Variants in VSX2 observed in about 807,000 individuals in gnomAD.
VSX2 encodes visual system homeobox 2.
VSX2 carries 28 observed loss-of-function variants against 32.1 expected under a neutral mutation model. The ratio of observed to expected loss-of-function variants is 0.87; its 90% CI spans 0.65 to 1.20. VSX2 has a LOEUF of 1.20. Ranked by LOEUF, VSX2 falls within the 50% of genes most tolerant of loss-of-function variation. VSX2 has a pLI of 0.00. For synonymous variants in VSX2, 243 were observed against 214.1 expected, an observed-to-expected ratio of 1.14 and a Z score of -1.18; for missense variants, 506 against 488.7, an observed-to-expected ratio of 1.04 and a Z score of -0.33.
intron 3 of VSX2, among the ~76,000 whole-genome samples, chr14:74,246,567 T>C (rs960907995): frequency 6.6e-6 from 1 of 152,232 alleles, no homozygotes; most frequent in Non-Finnish European, 1.5e-5. Flanking sequence ...CCAATTGGGT[T>C]CTTGTGAGGT....
In VSX2 at chr14:74,239,761, T is replaced by A; in HGVS notation, c.200T>A (p.Val67Glu). 6.4e-7 allele frequency: 1 copy of A among 1,553,242 alleles called. No individual in the cohort carries two copies. Among genetic ancestry groups the A allele is most frequent in the Non-Finnish European group, 8.7e-7 (1 of 1,149,238 alleles). ...GGGCACTTGCTGGCGGCGCGCTCAG[T>A]GCTCAGCCCCGCGGGGGTGGGCGGC... ...APGHLLAARS[V>E]LSPAGVGGMG... is the part of the protein sequence containing the mutation. The change falls in exon 1 of 5, where the codon GTG (valine) becomes GAG (glutamate). Residue 67 changes from valine (V) to glutamate (E), a missense_variant. By Grantham distance (121) the Val-to-Glu change is moderately radical (BLOSUM62 -2). Coordinates refer to ENST00000261980, the MANE Select transcript of VSX2 (RefSeq NM_182894.3).
chr14:74,252,646 C>T (rs2079237515), intron 3 of VSX2, among the ~76,000 whole-genome samples: 4 of 151,918 alleles, frequency 2.6e-5, no homozygotes, highest in Admixed American at 2.6e-4. Context: ...GACTCGGCCT[C>T]CAAAAGTGCT....
At chr14:74,248,733 A>G (rs558245896) in intron 3 of VSX2, among the ~76,000 whole-genome samples, 1 of 152,150 alleles carries the variant, frequency 6.6e-6, no homozygotes, top group South Asian at 2.1e-4. Context: ...GAAATTATCA[A>G]GTTGGAATGG....
Position 74,262,403 on chromosome 14 carries a change from C to T in VSX2, c.*1484C>T, listed in dbSNP as rs1320520441. On this transcript the variant is annotated 3_prime_UTR_variant, in exon 5 of 5. Coordinates refer to ENST00000261980, the MANE Select transcript of VSX2 (RefSeq NM_182894.3). ...CCCGACCCCATCCACCTATCCACCA[C>T]CCCACCCACCTTTGCAGGGAATACC... The T allele has an allele frequency of 1.3e-5, 2 of 152,280 alleles. No homozygotes were observed. Among genetic ancestry groups the T allele is most frequent in the Non-Finnish European group, 2.9e-5 (2 of 68,074 alleles). The allele number at this position is 152,280 out of a possible 1,614,324, so 9.4% of individuals were successfully genotyped here. A position where few individuals can be genotyped will look rare whatever the true frequency, so the allele number is the denominator to read the frequency against.
In VSX2 at chr14:74,254,784, AT is replaced by A. The variant is rs537753574; in HGVS notation, c.580-4805del. On this transcript the variant is annotated intron_variant, in intron 3 of 4. Coordinates refer to ENST00000261980, the MANE Select transcript of VSX2 (RefSeq NM_182894.3). ...ATCCTCCAAAAACCCCGAAAAGTGGATTTTTTTTTTTTTGAGACGCAGTCTT... is the reference window on the plus strand; with the variant it reads ...ATCCTCCAAAAACCCCGAAAAGTGGATTTTTTTTTTTTGAGACGCAGTCTT... 8.7e-4 allele frequency among the ~76,000 whole-genome samples: 101 copies of A among 116,500 alleles called. 3 individuals carry two copies. The highest frequency in any genetic ancestry group is 6.1e-3 in the Middle Eastern group (1 of 164). The allele number at this position is 116,500 out of a possible 152,430, so 76.4% of individuals were successfully genotyped here. A position where few individuals can be genotyped will look rare whatever the true frequency, so the allele number is the denominator to read the frequency against.
chr14:74,252,363 C>T (rs1288646636), intron 3 of VSX2, among the ~76,000 whole-genome samples: 4 of 151,718 alleles, frequency 2.6e-5, no homozygotes, highest in African/African-American at 9.7e-5. Flanking sequence ...CAGCCACAGT[C>T]TTTCCACACA....
intron 3 of VSX2, among the ~76,000 whole-genome samples, chr14:74,254,277 G>A (rs1000691668): frequency 5.9e-5 from 9 of 152,182 alleles, no homozygotes; most frequent in African/African-American, 2.2e-4. Context: ...TGGGCGTGCT[G>A]CCAGGTGCCT....
intron 1 of VSX2, among the ~76,000 whole-genome samples, chr14:74,240,330 C>G (rs924915922): frequency 2.0e-5 from 3 of 152,346 alleles, no homozygotes; most frequent in South Asian, 2.1e-4. Flanking sequence ...TCCTCGAGCC[C>G]GATGCTGTTC....
chr14:74,255,690 T>A (rs902877665), intron 3 of VSX2, among the ~76,000 whole-genome samples: 1 of 152,188 alleles, frequency 6.6e-6, no homozygotes, highest in African/African-American at 2.4e-5. Context: ...ATCTCAAGCA[T>A]GGGTATTCAT....
intron 3 of VSX2, among the ~76,000 whole-genome samples, chr14:74,246,115 G>A (rs2079190358): frequency 6.6e-6 from 1 of 152,270 alleles, no homozygotes; most frequent in African/African-American, 2.4e-5. Flanking sequence ...GGCAGAAGGA[G>A]TGGGGTGGGA....
Position 74,239,477 on chromosome 14 carries a change from G to C in VSX2, c.-85G>C. The C allele has an allele frequency of 1.9e-6, 3 of 1,541,386 alleles. No individual in the cohort carries two copies. Among genetic ancestry groups the C allele is most frequent in the East Asian group, 2.4e-5 (1 of 40,880 alleles). ...ATTAGACACCGGAGGGGGCACCTGGGACCAACTTCGCGAAGCGGGAAGCCC... is the reference window on the plus strand; with the variant it reads ...ATTAGACACCGGAGGGGGCACCTGGCACCAACTTCGCGAAGCGGGAAGCCC... On this transcript the variant is annotated 5_prime_UTR_variant, in exon 1 of 5. Transcript: ENST00000261980.
intron 2 of VSX2, among the ~76,000 whole-genome samples, chr14:74,242,787 T>C (rs2079159387): frequency 1.3e-5 from 2 of 152,156 alleles, no homozygotes; most frequent in Admixed American, 1.3e-4. Flanking sequence ...GCCCTTGTGC[T>C]GGTGCCAGGA....
Position 74,245,296 on chromosome 14 carries a change from C to A in VSX2, c.579+8C>A, listed in dbSNP as rs2139634151. ...CCGGAAGACAGGATACAGGTAACAG[C>A]CCTGAGCCCCTCTCCCCTCCACTCT... On this transcript the variant is annotated splice_region_variant and intron_variant, in intron 3 of 4. Coordinates refer to ENST00000261980, the MANE Select transcript of VSX2 (RefSeq NM_182894.3). 2.5e-6 allele frequency: 4 copies of A among 1,613,370 alleles called. No individual in the cohort carries two copies. Among genetic ancestry groups the A allele is most frequent in the Non-Finnish European group, 3.4e-6 (4 of 1,179,732 alleles).
At chr14:74,246,906 C>T (rs1013629675) in intron 3 of VSX2, among the ~76,000 whole-genome samples, 1 of 152,088 alleles carries the variant, frequency 6.6e-6, no homozygotes, top group Non-Finnish European at 1.5e-5. Flanking sequence ...GCTGTAACTG[C>T]ATTGCTACGA....
intron 3 of VSX2, among the ~76,000 whole-genome samples, chr14:74,252,319 C>T (rs2079234182): frequency 6.6e-6 from 1 of 152,212 alleles, no homozygotes; most frequent in African/African-American, 2.4e-5. Context: ...ACATTCTGTG[C>T]CTGCTGTGGA....
At chr14:74,243,702 C>T (rs909980965) in intron 2 of VSX2, among the ~76,000 whole-genome samples, 2 of 151,742 alleles carry the variant, frequency 1.3e-5, no homozygotes, top group Non-Finnish European at 2.9e-5. Context: ...TTCACATCAT[C>T]ACCCCCCACC....
Position 74,255,992 on chromosome 14 carries a change from C to T in VSX2, c.580-3610C>T, listed in dbSNP as rs951432579. Among the ~76,000 whole-genome samples the T allele has an allele frequency of 3.3e-5, 5 of 152,298 alleles. 1 individual carries two copies. Among genetic ancestry groups the T allele is most frequent in the Admixed American group, 3.3e-4 (5 of 15,288 alleles). ...ATCATGAGGTGCTGCTGCTGCAGGACATTATGTTACTGTGGTTTATGCATC... is the reference window on the plus strand; with the variant it reads ...ATCATGAGGTGCTGCTGCTGCAGGATATTATGTTACTGTGGTTTATGCATC... On this transcript the variant is annotated intron_variant, in intron 3 of 4. Transcript: ENST00000261980.
intron 3 of VSX2, among the ~76,000 whole-genome samples, chr14:74,257,693 C>G (rs1359046967): frequency 6.7e-6 from 1 of 148,442 alleles, no homozygotes; most frequent in African/African-American, 2.5e-5. Context: ...GCGGGAACCG[C>G]AGGAGCGCGC....
chr14:74,250,504 G>A (rs147151157), intron 3 of VSX2, among the ~76,000 whole-genome samples: 2 of 152,154 alleles, frequency 1.3e-5, no homozygotes, highest in Admixed American at 1.3e-4. Flanking sequence ...CCTCTTAGAA[G>A]TCTCGTGTAT....
Sources: gnomAD v4.1 joint callset for allele counts (sites outside exome capture counted in the v4.1 genomes callset) on GRCh38, gnomAD v4.1.1 for gene constraint, MANE v1.5 for transcripts, NCBI Gene and HGNC (gene_info 2026-07-23, HGNC 2026-07-21) for gene names.